Variants in ZEB1 observed in about 807,000 individuals in gnomAD.
ZEB1 encodes the protein zinc finger E-box binding homeobox 1.
A neutral mutation model predicts 84.9 loss-of-function variants in ZEB1; 21 were observed. The observed-to-expected ratio is 0.25, with a 90% CI of 0.18 to 0.36. ZEB1 has a LOEUF of 0.36. Among genes scored for constraint, ZEB1 ranks in the 10% least tolerant of loss-of-function variants. ZEB1 has a pLI of 1.00. For synonymous variants in ZEB1, 420 were observed against 471.1 expected (o/e 0.89, Z 1.41); for missense variants, 1,104 against 1,330.2 (o/e 0.83, Z 2.65).
At chr10:31,500,636 C>A (rs1011471777) in intron 3 of ZEB1, among the ~76,000 whole-genome samples, 5 of 152,140 alleles carry the variant, frequency 3.3e-5, no homozygotes, top group African/African-American at 1.2e-4. Context: ...ACTTTACACT[C>A]CAAGCAGTGT....
At chr10:31,406,638 C>A (rs1036158784) in intron 1 of ZEB1, among the ~76,000 whole-genome samples, 3 of 151,922 alleles carry the variant, frequency 2.0e-5, no homozygotes, top group Admixed American at 1.3e-4. Flanking sequence ...CCCATTCTCT[C>A]AGTTGCCTGT....
At chr10:31,524,806 G>C (rs114694100) in intron 8 of ZEB1, among the ~76,000 whole-genome samples, 2,293 of 152,194 alleles carry the variant, frequency 0.015, 44 homozygotes, top group African/African-American at 0.052. Context: ...AAAAGAAAAA[G>C]CTGCTTCATA....
intron 1 of ZEB1, among the ~76,000 whole-genome samples, chr10:31,377,691 C>G (rs2046900376): frequency 6.6e-6 from 1 of 151,700 alleles, no homozygotes; most frequent in African/African-American, 2.4e-5. Context: ...TCATTAATGT[C>G]AAGTGTAATG....
intron 1 of ZEB1, chr10:31,363,061 G>A (rs1205104511): frequency 3.3e-6 from 5 of 1,533,816 alleles, no homozygotes; most frequent in Admixed American, 3.9e-5. Flanking sequence ...CTGCAGCGGT[G>A]GCCCCGACAG....
intron 1 of ZEB1, among the ~76,000 whole-genome samples, chr10:31,446,677 AGTC>A (rs2059825052): frequency 6.6e-6 from 1 of 152,122 alleles, no homozygotes; most frequent in South Asian, 2.1e-4. Context: ...GGTACCCAGT[AGTC>A]ATTCAGGAGC....
intron 1 of ZEB1, among the ~76,000 whole-genome samples, chr10:31,398,722 A>T (rs573951322): frequency 6.6e-6 from 1 of 152,136 alleles, no homozygotes; most frequent in African/African-American, 2.4e-5. Flanking sequence ...TCTTCCTCTT[A>T]TTTGACCTGG....
chr10:31,496,333 AT>A, intron 3 of ZEB1, among the ~76,000 whole-genome samples: 1 of 152,186 alleles, frequency 6.6e-6, no homozygotes, highest in Middle Eastern at 3.4e-3. Context: ...AGAATCAAAA[AT>A]TTTTCTTAAA....
chr10:31,515,607 T>C (rs918417456), intron 6 of ZEB1, among the ~76,000 whole-genome samples: 2 of 152,070 alleles, frequency 1.3e-5, no homozygotes, highest in African/African-American at 4.8e-5. Context: ...TGAAGCATAG[T>C]TGATGATATT....
intron 1 of ZEB1, among the ~76,000 whole-genome samples, chr10:31,332,254 C>A (rs898614766): frequency 1.3e-4 from 20 of 152,172 alleles, no homozygotes; most frequent in African/African-American, 4.6e-4. Flanking sequence ...TGGCTGGTAT[C>A]TGTGCACCAA....
chr10:31,472,420 C>G (rs912646046), intron 2 of ZEB1, among the ~76,000 whole-genome samples: 2 of 152,142 alleles, frequency 1.3e-5, no homozygotes, highest in African/African-American at 2.4e-5. Flanking sequence ...TCAGAGAATA[C>G]TACAAATACC....
chr10:31,474,070 T>G (rs1410678545), intron 2 of ZEB1, among the ~76,000 whole-genome samples: 2 of 152,178 alleles, frequency 1.3e-5, no homozygotes, highest in Non-Finnish European at 2.9e-5. Flanking sequence ...CAAGATGGAT[T>G]AAAGATTTAA....
chr10:31,394,698 G>A (rs1291262451), intron 1 of ZEB1, among the ~76,000 whole-genome samples: 1 of 152,186 alleles, frequency 6.6e-6, no homozygotes, highest in Non-Finnish European at 1.5e-5. Flanking sequence ...ATTGTTGACT[G>A]TGGTTGCTAA....
rs761206667 is a variant in ZEB1, at chr10:31,524,070, C to A, written c.2742C>A (p.Phe914Leu). The A allele has an allele frequency of 1.2e-6, 2 of 1,613,670 alleles. No individual in the cohort carries two copies. The highest frequency in any genetic ancestry group is 4.5e-5 in the East Asian group (2 of 44,812). Residue 914 changes from phenylalanine to leucine, a missense_variant, in exon 8 of 9, where the codon TTC (phenylalanine) becomes TTA (leucine). Phe to Leu is a conservative substitution (Grantham distance 22). Around this residue, in one of 7 missense-constraint regions of ZEB1, gnomAD observed 53 missense variants for 92.5 expected, o/e 0.57. Coordinates refer to ENST00000424869, the MANE Select transcript of ZEB1 (RefSeq NM_001174096.2). ...MYACDLCDKI[F>L]QKSSSLLRHK... ...CTTGTGATTTGTGTGACAAGATATT[C>A]CAAAAGAGTAGTTCATTATTGAGAC...
At chr10:31,326,791 C>T (rs1039266058) in intron 1 of ZEB1, among the ~76,000 whole-genome samples, 1 of 152,204 alleles carries the variant, frequency 6.6e-6, no homozygotes, top group Non-Finnish European at 1.5e-5. Context: ...AGTTCTAATA[C>T]ATATGCATAC....
rs80350942 is a variant in ZEB1, at chr10:31,451,010, A to G, written c.59-10027A>G. 0.012 allele frequency among the ~76,000 whole-genome samples: 1,864 copies of G among 152,130 alleles called. 113 individuals are homozygous for G. In the East Asian group the frequency reaches 0.19, roughly 15 times the overall value. ...GACTTTTCATTTTCCTCTCTCTTTA[A>G]AAAGTTACAAAATTATCAGTCCTTT... On this transcript the variant is annotated intron_variant, in intron 1 of 8. Coordinates refer to ENST00000424869, the MANE Select transcript of ZEB1 (RefSeq NM_001174096.2).
chr10:31,455,261 C>T (rs1205228976), intron 1 of ZEB1, among the ~76,000 whole-genome samples: 3 of 152,066 alleles, frequency 2.0e-5, no homozygotes, highest in African/African-American at 7.2e-5. Flanking sequence ...CAAAAATCAA[C>T]TCAAGACGGA....
At chr10:31,394,017 A>G (rs1475530033) in intron 1 of ZEB1, among the ~76,000 whole-genome samples, 2 of 152,166 alleles carry the variant, frequency 1.3e-5, no homozygotes, top group Admixed American at 1.3e-4. Flanking sequence ...TGGTAAACAA[A>G]ACACATTGCC....
chr10:31,506,136 A>T (rs900047986), intron 4 of ZEB1, among the ~76,000 whole-genome samples: 3 of 151,988 alleles, frequency 2.0e-5, no homozygotes, highest in African/African-American at 7.2e-5. Context: ...AAGCTACTTG[A>T]TATGATTTTG....
chr10:31,409,088 C>T (rs1177501419), intron 1 of ZEB1, among the ~76,000 whole-genome samples: 3 of 152,240 alleles, frequency 2.0e-5, no homozygotes, highest in African/African-American at 7.2e-5. Context: ...GGGCAAAGGA[C>T]ATGAACAGAC....
Sources: gnomAD v4.1 joint callset for allele counts (sites outside exome capture counted in the v4.1 genomes callset) on GRCh38, gnomAD v4.1.1 for gene constraint, gnomAD v4.1.1 regional missense constraint, MANE v1.5 for transcripts, NCBI Gene and HGNC (gene_info 2026-07-23, HGNC 2026-07-21) for gene names.